The following FHIT variants were observed in gnomAD, a reference collection of about 807,000 sequenced individuals.
FHIT encodes the protein bis(5'-adenosyl)-triphosphatase.
In FHIT, 19 loss-of-function variants were observed where a neutral mutation model predicts 17.9. The ratio of observed to expected loss-of-function variants is 1.06; its 90% CI spans 0.74 to 1.56. The LOEUF (loss-of-function observed/expected upper bound fraction) is 1.56, where lower values mean the gene tolerates loss of function less well. Among genes scored for constraint, FHIT ranks in the 40% most tolerant of loss-of-function variants. The pLI is 0.00. For synonymous variants in FHIT, 81 were observed against 69.7 expected (o/e 1.16, Z -0.81); for missense variants, 248 against 189.2 (o/e 1.31, Z -1.82).
intron 8 of FHIT, among the ~76,000 whole-genome samples, chr3:59,860,254 T>C (rs761186178): frequency 1.5e-4 from 23 of 152,108 alleles, no homozygotes; most frequent in Non-Finnish European, 3.2e-4. Flanking sequence ...TTGGGAAGAA[T>C]TGATGATCAG....
chr3:60,308,573 TC>T lies in FHIT; in HGVS notation c.103+228286del, dbSNP rs199527303. On this transcript the variant is annotated intron_variant, in intron 5 of 9. Transcript: ENST00000492590. ...GGACTGACTTTAACGTTACATTGGG[TC>T]CCCCCCCAACAATTAGTGAGCTGAA... is the stretch of plus-strand genomic sequence containing the variant. Among the ~76,000 whole-genome samples the T allele has an allele frequency of 4.6e-4, 68 of 149,096 alleles. No homozygotes were observed. In the East Asian group the frequency reaches 5.3e-3, roughly 12 times the overall value.
chr3:60,121,251 C>T (rs1354294528), intron 5 of FHIT, among the ~76,000 whole-genome samples: 1 of 152,062 alleles, frequency 6.6e-6, no homozygotes, highest in Non-Finnish European at 1.5e-5. Flanking sequence ...CATATTAATG[C>T]TACTAAAGTA....
intron 4 of FHIT, among the ~76,000 whole-genome samples, chr3:60,668,360 C>A (rs1272635036): frequency 7.7e-6 from 1 of 130,394 alleles, no homozygotes; most frequent in Non-Finnish European, 1.6e-5. Context: ...GAGGGACATC[C>A]GCTCAATCAG....
At chr3:60,337,911 G>A (rs183387498) in intron 5 of FHIT, among the ~76,000 whole-genome samples, 8 of 152,280 alleles carry the variant, frequency 5.3e-5, no homozygotes, top group Admixed American at 2.0e-4. Flanking sequence ...TATGGGCACC[G>A]AAGTGTATCC....
At chr3:60,152,497 T>C (rs952364792) in intron 5 of FHIT, among the ~76,000 whole-genome samples, 2 of 152,194 alleles carry the variant, frequency 1.3e-5, no homozygotes, top group Non-Finnish European at 2.9e-5. Flanking sequence ...ACCTAAGACA[T>C]GTGTGTGTAT....
intron 4 of FHIT, among the ~76,000 whole-genome samples, chr3:60,771,465 T>C (rs930772188): frequency 2.0e-5 from 3 of 152,212 alleles, no homozygotes; most frequent in East Asian, 1.9e-4. Context: ...CCAGAAATTG[T>C]CCCATTTCCC....
At chr3:59,757,801 TAC>T (rs1173618812) in intron 8 of FHIT, among the ~76,000 whole-genome samples, 1 of 152,218 alleles carries the variant, frequency 6.6e-6, no homozygotes, top group Admixed American at 6.5e-5. Context: ...CGGTTCTGTT[TAC>T]ACAGGGGTTT....
At chr3:60,233,015 A>C (rs1704581701) in intron 5 of FHIT, among the ~76,000 whole-genome samples, 1 of 152,134 alleles carries the variant, frequency 6.6e-6, no homozygotes, top group Non-Finnish European at 1.5e-5. Context: ...TTCAAATAAC[A>C]CTGTGCAGTG....
chr3:61,250,814 T>C (rs1406521450), intron 1 of FHIT, among the ~76,000 whole-genome samples: 1 of 152,200 alleles, frequency 6.6e-6, no homozygotes, highest in Non-Finnish European at 1.5e-5. Context: ...AGTAGTAATG[T>C]AAAATTATCT....
At chr3:60,031,683 C>A (rs1701008214) in intron 5 of FHIT, among the ~76,000 whole-genome samples, 1 of 152,088 alleles carries the variant, frequency 6.6e-6, no homozygotes, top group Non-Finnish European at 1.5e-5. Flanking sequence ...CATTTTAAAT[C>A]CCTAAAAATA....
intron 4 of FHIT, among the ~76,000 whole-genome samples, chr3:60,619,889 C>G (rs1484728812): frequency 6.6e-6 from 1 of 151,868 alleles, no homozygotes; most frequent in Non-Finnish European, 1.5e-5. Flanking sequence ...AAGCCAAAGG[C>G]TAGGAGAAAA....
intron 2 of FHIT, among the ~76,000 whole-genome samples, chr3:61,111,841 A>G (rs2036168170): frequency 6.6e-6 from 1 of 152,190 alleles, no homozygotes; most frequent in African/African-American, 2.4e-5. Flanking sequence ...CTTTTTAACC[A>G]GGTGGGTGTC....
chr3:60,243,173 G>A lies in FHIT; in HGVS notation c.104-229021C>T, dbSNP rs934106137. ...GTCTATGATTAAACAGAAATACAGG[G>A]TTACCTCTAAGCAGCTTCATTTTGC... On this transcript the variant is annotated intron_variant, in intron 5 of 9. Transcript: ENST00000492590. 6.6e-5 allele frequency among the ~76,000 whole-genome samples: 10 copies of A among 152,068 alleles called. No individual in the cohort carries two copies. The East Asian group carries it at 1.7e-3, about 26-fold the overall frequency.
intron 8 of FHIT, among the ~76,000 whole-genome samples, chr3:59,758,354 T>TA (rs1701323855): frequency 1.3e-5 from 2 of 152,196 alleles, no homozygotes; most frequent in African/African-American, 4.8e-5. Flanking sequence ...AACAAACATG[T>TA]ATCAGAGTTA....
At chr3:60,703,035 G>T (rs566938543) in intron 4 of FHIT, among the ~76,000 whole-genome samples, 1 of 152,174 alleles carries the variant, frequency 6.6e-6, no homozygotes, top group Non-Finnish European at 1.5e-5. Context: ...GGTCTTTGCA[G>T]ATGTAATTTG....
chr3:59,751,094 C>T (rs1340901094), intron 9 of FHIT: 3 of 170,544 alleles, frequency 1.8e-5, no homozygotes, highest in African/African-American at 8.5e-5. Flanking sequence ...AGTTTATTAA[C>T]AGGTTTGCCA....
intron 4 of FHIT, chr3:60,690,755 C>T: frequency 2.6e-6 from 1 of 378,274 alleles, no homozygotes; most frequent in East Asian, 6.6e-5. Flanking sequence ...GCAGCACCAT[C>T]TGTGAAGTCT....
rs1491083232 is a variant in FHIT, at chr3:60,324,356, TGG to T, written c.103+212502_103+212503del. On this transcript the variant is annotated intron_variant, in intron 5 of 9. Transcript: ENST00000492590. ...ATCCCAGAACTTTGGAGGCTGAGGC[TGG>T]TGAATCATGAGGTCAGGAGATGGAG... 3.2e-5 allele frequency among the ~76,000 whole-genome samples: 3 copies of T among 93,844 alleles called. No individual in the cohort carries two copies. In the Admixed American group the frequency reaches 3.6e-4, roughly 11 times the overall value. The allele number at this position is 93,844 out of a possible 152,430, so 61.6% of individuals were successfully genotyped here.
intron 2 of FHIT, among the ~76,000 whole-genome samples, chr3:61,099,741 C>T (rs760525898): frequency 2.6e-5 from 4 of 151,948 alleles, no homozygotes; most frequent in African/African-American, 7.2e-5. Context: ...ATTTGTATTT[C>T]GGTGGGGTCA....
Sources: allele counts gnomAD v4.1 joint callset (sites outside exome capture counted in the v4.1 genomes callset), GRCh38; gene constraint gnomAD v4.1.1; transcripts MANE v1.5; gene names NCBI Gene and HGNC (gene_info 2026-07-23, HGNC 2026-07-21).